Variants in SH3PXD2A observed in about 807,000 individuals in gnomAD.
SH3PXD2A encodes SH3 and PX domains 2A, also known as SH3 and PX domain-containing protein 2A.
SH3PXD2A carries 32 observed loss-of-function variants against 115.2 expected under a neutral mutation model. The observed-to-expected ratio is 0.28, with a 90% CI of 0.21 to 0.37. The LOEUF (loss-of-function observed/expected upper bound fraction) is 0.37. SH3PXD2A is among the 10% of genes least tolerant of loss of function. SH3PXD2A has a pLI of 1.00. For missense variants in SH3PXD2A, 1,328 were observed against 1,498.7 expected (o/e 0.89, Z 1.88); for synonymous variants, 610 against 629.1 (o/e 0.97, Z 0.45).
chr10:103,608,150 T>TAAAAAAAAAAAAAAAAAGATTAC (rs768102863), intron 13 of SH3PXD2A, among the ~76,000 whole-genome samples: 1 of 32,660 alleles, frequency 3.1e-5, no homozygotes, highest in Non-Finnish European at 4.5e-5. Context: ...ATGATCAATT[T>TAAAAAAAAAAAAAAAAAGATTAC]AAAAAAAAAA....
At chr10:103,625,032 C>T (rs2036670380) in intron 9 of SH3PXD2A, among the ~76,000 whole-genome samples, 1 of 152,246 alleles carries the variant, frequency 6.6e-6, no homozygotes, top group East Asian at 1.9e-4. Context: ...ACACCCACAC[C>T]CACCCCCCAC....
At chr10:103,674,880 A>C (rs2037512214) in intron 6 of SH3PXD2A, among the ~76,000 whole-genome samples, 1 of 152,126 alleles carries the variant, frequency 6.6e-6, no homozygotes, top group South Asian at 2.1e-4. Context: ...AAAAACAAAA[A>C]CAAACACCAA....
intron 1 of SH3PXD2A, among the ~76,000 whole-genome samples, chr10:103,814,194 G>A (rs991342035): frequency 2.6e-5 from 4 of 152,090 alleles, no homozygotes; most frequent in African/African-American, 9.7e-5. Flanking sequence ...AGCAAACAAG[G>A]AGACTCGAGT....
intron 2 of SH3PXD2A, among the ~76,000 whole-genome samples, chr10:103,793,325 C>A (rs2039053480): frequency 6.6e-6 from 1 of 151,904 alleles, no homozygotes; most frequent in Admixed American, 6.6e-5. Context: ...AAATCTTGTT[C>A]TTGGGTTTTT....
At chr10:103,720,679 CG>C (rs1181965475) in intron 5 of SH3PXD2A, among the ~76,000 whole-genome samples, 1 of 152,216 alleles carries the variant, frequency 6.6e-6, no homozygotes, top group Non-Finnish European at 1.5e-5. Flanking sequence ...TACTCGATCC[CG>C]TGTTTATGTT....
chr10:103,633,449 G>A (rs970174787), intron 8 of SH3PXD2A, among the ~76,000 whole-genome samples: 4 of 151,866 alleles, frequency 2.6e-5, no homozygotes, highest in East Asian at 3.9e-4. Context: ...AACGCTGGGC[G>A]TGGTGGCTCA....
chr10:103,665,894 A>AG lies in SH3PXD2A; in HGVS notation c.472+2713dup, dbSNP rs759313560. On this transcript the variant is annotated intron_variant, in intron 7 of 14. Transcript: ENST00000369774. This position sits in a 1 kb window ranked among gnomAD's most constrained non-coding sequence, Gnocchi z 4.0. ...ACAGCAGAGCCTCTCCTGGGTTGGAAGGGGCCTTTGCATGAGTCTGATCCA... is the reference window on the plus strand; with the variant it reads ...ACAGCAGAGCCTCTCCTGGGTTGGAAGGGGGCCTTTGCATGAGTCTGATCCA... Among the ~76,000 whole-genome samples the AG allele has an allele frequency of 2.1e-4, 32 of 152,250 alleles. No individual in the cohort carries two copies. Among genetic ancestry groups the AG allele is most frequent in the Admixed American group, 7.2e-4 (11 of 15,304 alleles).
chr10:103,786,162 G>C (rs925793245), intron 2 of SH3PXD2A, among the ~76,000 whole-genome samples: 1 of 152,150 alleles, frequency 6.6e-6, no homozygotes, highest in Non-Finnish European at 1.5e-5. Context: ...AAGCCTTCTT[G>C]GCAAGGAAGG....
chr10:103,631,429 C>T (rs1288717323), intron 8 of SH3PXD2A, among the ~76,000 whole-genome samples: 1 of 152,180 alleles, frequency 6.6e-6, no homozygotes, highest in Non-Finnish European at 1.5e-5. Context: ...TTTCGGACCA[C>T]GGTTAACCTC....
chr10:103,797,013 C>G (rs143300056), intron 2 of SH3PXD2A, among the ~76,000 whole-genome samples: 39 of 152,072 alleles, frequency 2.6e-4, no homozygotes, highest in African/African-American at 9.2e-4. Context: ...CAGGCACATG[C>G]CACCACACTC....
intron 5 of SH3PXD2A, among the ~76,000 whole-genome samples, chr10:103,706,220 T>C (rs906658767): frequency 2.6e-5 from 4 of 152,184 alleles, no homozygotes; most frequent in Non-Finnish European, 5.9e-5. Context: ...GCATCCCCTC[T>C]AGAGCACCTG....
chr10:103,701,175 T>G (rs1482089019), intron 5 of SH3PXD2A, among the ~76,000 whole-genome samples: 1 of 107,000 alleles, frequency 9.3e-6, no homozygotes, highest in Non-Finnish European at 1.9e-5. Context: ...CATCCATCCA[T>G]CCACCATCCA....
intron 2 of SH3PXD2A, among the ~76,000 whole-genome samples, chr10:103,798,207 G>A (rs1053154880): frequency 2.6e-5 from 4 of 152,166 alleles, no homozygotes; most frequent in Admixed American, 6.5e-5. Flanking sequence ...GGGTCAAAGG[G>A]GTGTCCAGGC....
At chr10:103,643,256 A>G (rs1592278598) in intron 8 of SH3PXD2A, among the ~76,000 whole-genome samples, 1 of 152,292 alleles carries the variant, frequency 6.6e-6, no homozygotes, top group East Asian at 1.9e-4. Context: ...CAAGAGGCAG[A>G]GGGCACCCTA....
chr10:103,601,125 G>GA lies in SH3PXD2A; in HGVS notation c.*690dup, dbSNP rs2036208880. The GA allele has an allele frequency of 6.6e-6, 1 of 152,278 alleles. No homozygotes were observed. Among genetic ancestry groups the GA allele is most frequent in the Non-Finnish European group, 1.5e-5 (1 of 68,082 alleles). 9.4% of individuals were successfully genotyped at this position (152,278 alleles called of 1,614,324 possible). ...TGTCCTCCATGGGGTGCCCCACGGA[G>GA]AGCGGGCTCTCTTCTCAAGGCCAAG... On this transcript the variant is annotated 3_prime_UTR_variant, in exon 15 of 15. Transcript: ENST00000369774.
intron 2 of SH3PXD2A, among the ~76,000 whole-genome samples, chr10:103,786,356 A>G (rs1339628434): frequency 6.6e-6 from 1 of 152,110 alleles, no homozygotes; most frequent in Non-Finnish European, 1.5e-5. Context: ...GAGTACCCTC[A>G]TCTCTTTTTT....
At position 103,773,224 on chromosome 10, in the gene SH3PXD2A, C is replaced by CAAA. The variant is rs386372322; in HGVS notation, c.154-6058_154-6056dup. 5.3e-3 allele frequency among the ~76,000 whole-genome samples: 612 copies of CAAA among 114,784 alleles called. 4 individuals carry two copies. Among genetic ancestry groups the CAAA allele is most frequent in the East Asian group, 0.021 (76 of 3,536 alleles). The allele number at this position is 114,784 out of a possible 152,430, so 75.3% of individuals were successfully genotyped here. A position where few individuals can be genotyped will look rare whatever the true frequency, so the allele number is the denominator to read the frequency against. On this transcript the variant is annotated intron_variant, in intron 2 of 14. Coordinates refer to ENST00000369774, the MANE Select transcript of SH3PXD2A (RefSeq NM_001394015.1). ...GTGTGTCAAGAGTGAAACTCTGTCTCAAAAAAAAAAAAAAAAAGAGAAAAA... is the reference window on the plus strand; with the variant it reads ...GTGTGTCAAGAGTGAAACTCTGTCTCAAAAAAAAAAAAAAAAAAAAGAGAAAAA...
At chr10:103,651,538 C>T (rs1395058993) in intron 8 of SH3PXD2A, among the ~76,000 whole-genome samples, 1 of 152,234 alleles carries the variant, frequency 6.6e-6, no homozygotes, top group Non-Finnish European at 1.5e-5. Flanking sequence ...GATCTCCAAA[C>T]CCTGGTCAAA....
intron 3 of SH3PXD2A, among the ~76,000 whole-genome samples, chr10:103,762,002 C>T (rs34880818): frequency 0.095 from 13,741 of 144,398 alleles, 818 homozygotes; most frequent in Non-Finnish European, 0.11. Flanking sequence ...ACACTAGGAG[C>T]AATCAACACG....
Sources: allele counts gnomAD v4.1 joint callset (sites outside exome capture counted in the v4.1 genomes callset), GRCh38; gene constraint gnomAD v4.1.1; non-coding constraint Gnocchi (gnomAD v3.1); transcripts MANE v1.5; gene names NCBI Gene and HGNC (gene_info 2026-07-23, HGNC 2026-07-21).